ZBTB7C: variants seen among roughly 807,000 people sequenced by gnomAD.
The protein encoded by ZBTB7C is zinc finger and BTB domain-containing protein 7C.
Under a neutral mutation model 25.7 loss-of-function variants are expected in ZBTB7C, and 8 were observed. The ratio of observed to expected loss-of-function variants is 0.31; its 90% CI spans 0.18 to 0.56. ZBTB7C has a LOEUF of 0.56. Among genes scored for constraint, ZBTB7C ranks in the 20% least tolerant of loss-of-function variants. ZBTB7C has a pLI of 0.91. For missense variants in ZBTB7C, 824 were observed against 855.2 expected (o/e 0.96, Z 0.46); for synonymous variants, 394 against 369.0 (o/e 1.07, Z -0.78).
At chr18:48,084,061 C>G (rs1226960388) in intron 3 of ZBTB7C, among the ~76,000 whole-genome samples, 1 of 152,238 alleles carries the variant, frequency 6.6e-6, no homozygotes, top group African/African-American at 2.4e-5. Context: ...GAGGCCTCCT[C>G]TGCACCCAGC....
intron 3 of ZBTB7C, among the ~76,000 whole-genome samples, chr18:48,047,444 A>C (rs2144217509): frequency 6.9e-6 from 1 of 144,032 alleles, no homozygotes; most frequent in South Asian, 2.3e-4. Flanking sequence ...AGCTAGAAAA[A>C]AAATAGAGAT....
chr18:48,323,122 C>G (rs2046137037), intron 2 of ZBTB7C, among the ~76,000 whole-genome samples: 1 of 152,152 alleles, frequency 6.6e-6, no homozygotes. Context: ...ACCAACATCT[C>G]ACAAATCACC....
At chr18:48,399,893 T>C (rs1335882705) in intron 1 of ZBTB7C, among the ~76,000 whole-genome samples, 1 of 152,162 alleles carries the variant, frequency 6.6e-6, no homozygotes, top group Non-Finnish European at 1.5e-5. Context: ...ACACACCTGC[T>C]GCTTTTTCCT....
At chr18:48,217,542 T>G (rs1374211721) in intron 2 of ZBTB7C, among the ~76,000 whole-genome samples, 2 of 152,146 alleles carry the variant, frequency 1.3e-5, no homozygotes, top group Non-Finnish European at 2.9e-5. Context: ...CCAGCCACCC[T>G]GAAGTCTTTG....
At chr18:48,075,371 A>G (rs1404302789) in intron 3 of ZBTB7C, among the ~76,000 whole-genome samples, 1 of 152,188 alleles carries the variant, frequency 6.6e-6, no homozygotes, top group Non-Finnish European at 1.5e-5. Flanking sequence ...GATGCGACAA[A>G]GGGCTTCAAG....
At chr18:48,301,836 C>T (rs2045552010) in intron 2 of ZBTB7C, among the ~76,000 whole-genome samples, 1 of 152,174 alleles carries the variant, frequency 6.6e-6, no homozygotes, top group Non-Finnish European at 1.5e-5. Flanking sequence ...AGCAGAGGTT[C>T]TCACCATAGC....
At chr18:48,083,418 C>T (rs985545622) in intron 3 of ZBTB7C, among the ~76,000 whole-genome samples, 1 of 152,132 alleles carries the variant, frequency 6.6e-6, no homozygotes, top group South Asian at 2.1e-4. Flanking sequence ...TCTTTAGCCC[C>T]TCGTCCCCTG....
In ZBTB7C at chr18:48,244,126, A is replaced by C. The variant is rs539268013; in HGVS notation, c.-78-58131T>G. 3.3e-4 allele frequency among the ~76,000 whole-genome samples: 50 copies of C among 152,368 alleles called. No individual in the cohort carries two copies. In the South Asian group the frequency reaches 6.0e-3, roughly 18 times the overall value. On this transcript the variant is annotated intron_variant, in intron 2 of 4. Transcript: ENST00000590800. ...AGACATTGGCTTAGGCACAGAGTTC[A>C]TGACCAAGAACCCAAAAACAAATGC... is the stretch of plus-strand genomic sequence containing the variant.
chr18:48,274,766 C>A (rs1182423229), intron 2 of ZBTB7C, among the ~76,000 whole-genome samples: 1 of 152,224 alleles, frequency 6.6e-6, no homozygotes, highest in Non-Finnish European at 1.5e-5. Flanking sequence ...CTGTCCCTCT[C>A]CCACAGTCAT....
chr18:48,352,283 G>A (rs2046881215), intron 1 of ZBTB7C, among the ~76,000 whole-genome samples: 1 of 152,222 alleles, frequency 6.6e-6, no homozygotes, highest in East Asian at 1.9e-4. Flanking sequence ...CCTGAGCTCA[G>A]GGAACAGAGT....
intron 1 of ZBTB7C, among the ~76,000 whole-genome samples, chr18:48,357,496 C>T (rs1430083447): frequency 1.3e-5 from 2 of 152,216 alleles, no homozygotes; most frequent in Admixed American, 6.5e-5. Flanking sequence ...GCCTGCTCAG[C>T]GCTCAGCGTC....
intron 1 of ZBTB7C, among the ~76,000 whole-genome samples, chr18:48,382,246 A>G (rs1331641126): frequency 6.6e-6 from 1 of 152,212 alleles, no homozygotes; most frequent in East Asian, 1.9e-4. Flanking sequence ...AAAATTCAGG[A>G]GAAAGAATGG....
chr18:48,289,108 C>T (rs1408529938), intron 2 of ZBTB7C, among the ~76,000 whole-genome samples: 1 of 152,134 alleles, frequency 6.6e-6, no homozygotes, highest in African/African-American at 2.4e-5. Context: ...CAGGATCGGG[C>T]ATTGATTGGC....
intron 4 of ZBTB7C, among the ~76,000 whole-genome samples, chr18:48,037,646 G>A (rs2036034528): frequency 6.6e-6 from 1 of 152,204 alleles, no homozygotes; most frequent in Non-Finnish European, 1.5e-5. Flanking sequence ...GGGGTCTCAG[G>A]GTGCCAGCAG....
chr18:48,151,383 C>T (rs2040673416), intron 3 of ZBTB7C, among the ~76,000 whole-genome samples: 1 of 152,078 alleles, frequency 6.6e-6, no homozygotes, highest in Non-Finnish European at 1.5e-5. Context: ...AGATGAGATT[C>T]TTAGAAGGAT....
intron 2 of ZBTB7C, among the ~76,000 whole-genome samples, chr18:48,194,779 T>A (rs1477521535): frequency 6.6e-6 from 1 of 151,294 alleles, no homozygotes; most frequent in Non-Finnish European, 1.5e-5. Context: ...CAGCTGACTC[T>A]GGGCTTGAGT....
chr18:48,190,318 A>G (rs1049710486), intron 2 of ZBTB7C, among the ~76,000 whole-genome samples: 6 of 152,254 alleles, frequency 3.9e-5, no homozygotes, highest in African/African-American at 1.4e-4. Flanking sequence ...ATGGTTTATG[A>G]TTAAAGAAGT....
At chr18:48,396,180 T>C (rs2048025839) in intron 1 of ZBTB7C, among the ~76,000 whole-genome samples, 1 of 152,222 alleles carries the variant, frequency 6.6e-6, no homozygotes, top group African/African-American at 2.4e-5. Flanking sequence ...ACACAACTAC[T>C]TTCCAATGGC....
intron 2 of ZBTB7C, among the ~76,000 whole-genome samples, chr18:48,283,765 C>A (rs2044944146): frequency 2.6e-5 from 4 of 152,168 alleles, no homozygotes; most frequent in Admixed American, 2.6e-4. Context: ...CTGCCTACCT[C>A]ACTATGATGT....
Sources: gnomAD v4.1 joint callset for allele counts (sites outside exome capture counted in the v4.1 genomes callset) on GRCh38, gnomAD v4.1.1 for gene constraint, MANE v1.5 for transcripts, NCBI Gene and HGNC (gene_info 2026-07-23, HGNC 2026-07-21) for gene names.